The following FHIT variants were observed in gnomAD, a reference collection of about 807,000 sequenced individuals.
FHIT encodes fragile histidine triad diadenosine triphosphatase.
Under a neutral mutation model 17.9 loss-of-function variants are expected in FHIT, and 19 were observed. The ratio of observed to expected loss-of-function variants is 1.06; its 90% CI spans 0.74 to 1.56. The LOEUF (loss-of-function observed/expected upper bound fraction) is 1.56, where lower values mean the gene tolerates loss of function less well. Ranked by LOEUF, FHIT falls within the 40% of genes most tolerant of loss-of-function variation. The pLI is 0.00. For synonymous variants in FHIT, 81 were observed against 69.7 expected (o/e 1.16, Z -0.81); for missense variants, 248 against 189.2 (o/e 1.31, Z -1.82).
intron 4 of FHIT, among the ~76,000 whole-genome samples, chr3:60,735,221 C>T (rs1559681150): frequency 6.6e-6 from 1 of 152,082 alleles, no homozygotes; most frequent in Non-Finnish European, 1.5e-5. Flanking sequence ...ATGATCAAGG[C>T]CCAAGGAAAA....
chr3:60,445,353 T>C (rs1397794351), intron 5 of FHIT, among the ~76,000 whole-genome samples: 1 of 152,046 alleles, frequency 6.6e-6, no homozygotes, highest in Non-Finnish European at 1.5e-5. Context: ...ATCTAAAATG[T>C]TGTTCTTGGA....
intron 5 of FHIT, chr3:60,536,520 T>C (rs1030737176): frequency 4.8e-6 from 1 of 206,888 alleles, no homozygotes; most frequent in Non-Finnish European, 9.6e-6. Flanking sequence ...GAAAACCAAG[T>C]GCCCGTGATA....
At chr3:60,433,505 T>C (rs1314145061) in intron 5 of FHIT, among the ~76,000 whole-genome samples, 2 of 152,108 alleles carry the variant, frequency 1.3e-5, no homozygotes, top group East Asian at 1.9e-4. Flanking sequence ...TTTTCTATAA[T>C]CATTGCATCG....
intron 4 of FHIT, among the ~76,000 whole-genome samples, chr3:60,623,659 A>C (rs782541144): frequency 1.3e-5 from 2 of 152,242 alleles, no homozygotes; most frequent in African/African-American, 2.4e-5. Flanking sequence ...TTAAAGCAGA[A>C]GGAACAGCAC....
chr3:60,282,818 T>C (rs888321807), intron 5 of FHIT, among the ~76,000 whole-genome samples: 4 of 152,122 alleles, frequency 2.6e-5, no homozygotes, highest in South Asian at 2.1e-4. Context: ...AAAACATACC[T>C]AGGATGATCT....
intron 5 of FHIT, among the ~76,000 whole-genome samples, chr3:60,208,639 C>A (rs1230406627): frequency 1.3e-5 from 2 of 152,118 alleles, no homozygotes; most frequent in Non-Finnish European, 2.9e-5. Flanking sequence ...AAGAAATAAT[C>A]CTCATTTCAA....
intron 5 of FHIT, among the ~76,000 whole-genome samples, chr3:60,077,899 C>T (rs1020293238): frequency 5.9e-5 from 9 of 151,858 alleles, no homozygotes; most frequent in African/African-American, 1.2e-4. Flanking sequence ...AGATAACAGA[C>T]GTTGATTTGC....
intron 5 of FHIT, among the ~76,000 whole-genome samples, chr3:60,516,809 T>G (rs2035177153): frequency 6.6e-6 from 1 of 152,210 alleles, no homozygotes; most frequent in African/African-American, 2.4e-5. Flanking sequence ...TTCTGACAGC[T>G]GAGACAATGA....
intron 8 of FHIT, among the ~76,000 whole-genome samples, chr3:59,802,086 T>C (rs1289140485): frequency 1.3e-5 from 2 of 152,202 alleles, no homozygotes; most frequent in African/African-American, 4.8e-5. Context: ...GGCTGCCACA[T>C]GGCAGGTGCC....
At chr3:59,954,791 G>T (rs1311989539) in intron 7 of FHIT, among the ~76,000 whole-genome samples, 1 of 152,160 alleles carries the variant, frequency 6.6e-6, no homozygotes, top group Non-Finnish European at 1.5e-5. Context: ...AGGGACCAGG[G>T]AGATGGTTTA....
intron 8 of FHIT, among the ~76,000 whole-genome samples, chr3:59,908,850 T>TTTTTTTTTTTTTTTTTTTTTTTTTG (rs1553712872): frequency 4.7e-5 from 7 of 150,204 alleles, no homozygotes; most frequent in African/African-American, 1.7e-4. Flanking sequence ...TTTCATTTTT[T>TTTTTTTTTTTTTTTTTTTTTTTTTG]AATAGTCCAA....
At chr3:60,505,110 A>G (rs2034675577) in intron 5 of FHIT, among the ~76,000 whole-genome samples, 1 of 152,212 alleles carries the variant, frequency 6.6e-6, no homozygotes, top group Non-Finnish European at 1.5e-5. Context: ...GAGCTGTAAA[A>G]ACAGAAAAAA....
At chr3:60,475,872 G>C (rs2033320192) in intron 5 of FHIT, among the ~76,000 whole-genome samples, 1 of 151,920 alleles carries the variant, frequency 6.6e-6, no homozygotes, top group Non-Finnish European at 1.5e-5. Context: ...AGGGGAAAAA[G>C]GCCCTTCCAG....
chr3:60,492,857 C>T (rs1461958987), intron 5 of FHIT, among the ~76,000 whole-genome samples: 2 of 152,104 alleles, frequency 1.3e-5, no homozygotes, highest in Non-Finnish European at 2.9e-5. Context: ...AGATTTAGTG[C>T]ATTCATGTGT....
intron 4 of FHIT, among the ~76,000 whole-genome samples, chr3:60,572,560 ACTCT>A (rs2037421781): frequency 6.6e-6 from 1 of 151,884 alleles, no homozygotes; most frequent in South Asian, 2.1e-4. Flanking sequence ...ACACACACAC[ACTCT>A]ATCTACAGAT....
chr3:60,082,596 T>C (rs1007291734), intron 5 of FHIT, among the ~76,000 whole-genome samples: 12 of 152,082 alleles, frequency 7.9e-5, no homozygotes, highest in Admixed American at 4.6e-4. Context: ...CCACCAACAG[T>C]GTATAAGCAT....
At chr3:60,723,473 T>C (rs995545728) in intron 4 of FHIT, among the ~76,000 whole-genome samples, 4 of 152,168 alleles carry the variant, frequency 2.6e-5, no homozygotes, top group African/African-American at 9.7e-5. Flanking sequence ...GAGTCTGGAA[T>C]TTGGGTATGT....
chr3:60,352,244 A>C (rs1371671660), intron 5 of FHIT, among the ~76,000 whole-genome samples: 2 of 152,196 alleles, frequency 1.3e-5, no homozygotes, highest in African/African-American at 4.8e-5. Context: ...TGATGCAGAC[A>C]AAAATATGCT....
chr3:60,354,822 T>G (rs1388424669), intron 5 of FHIT, among the ~76,000 whole-genome samples: 1 of 152,198 alleles, frequency 6.6e-6, no homozygotes, highest in East Asian at 1.9e-4. Context: ...ATTCTTGTTA[T>G]TCTTTAGTAT....
Sources: allele counts gnomAD v4.1 joint callset (sites outside exome capture counted in the v4.1 genomes callset), GRCh38; gene constraint gnomAD v4.1.1; transcripts MANE v1.5; gene names NCBI Gene and HGNC (gene_info 2026-07-23, HGNC 2026-07-21).